Variants in H6PD observed in about 807,000 individuals in gnomAD.
The protein encoded by H6PD is GDH/6PGL endoplasmic bifunctional protein.
A neutral mutation model predicts 61.2 loss-of-function variants in H6PD; 48 were observed. The ratio of observed to expected loss-of-function variants is 0.78; its 90% CI spans 0.62 to 1.00. The LOEUF is 1.00. Among genes scored for constraint, H6PD ranks in the 50% least tolerant of loss-of-function variants. The pLI, the probability that H6PD is intolerant of heterozygous loss-of-function variation, is 0.00. For missense variants in H6PD, 1,093 were observed against 1,065.0 expected (o/e 1.03, Z -0.37); for synonymous variants, 480 against 457.9 (o/e 1.05, Z -0.62).
rs746333928 is a variant in H6PD at position 9,264,818 on chromosome 1, G to A, written c.2325G>A (p.Pro775=). The part of the protein sequence containing the change: ...PKKWPISGVL[P]HSGQLVWYMD... ...AGTGGCCCATCTCGGGTGTCCTGCC[G>A]CACTCCGGCCAGCTGGTGTGGTACA... The change falls in exon 5 of 5, where the codon CCG becomes CCA. Residue 775 remains proline, a synonymous_variant. Coordinates refer to ENST00000377403, the MANE Select transcript of H6PD (RefSeq NM_004285.4). The A allele has an allele frequency of 1.1e-5, 18 of 1,612,602 alleles. No homozygotes were observed. The highest frequency in any genetic ancestry group is 2.2e-5 in the East Asian group (1 of 44,892).
At chr1:9,262,367 A>G (rs1181326859) in intron 4 of H6PD, 39 bp downstream of exon 4, 4 of 1,557,948 alleles carry the variant, frequency 2.6e-6, no homozygotes, top group Non-Finnish European at 3.5e-6. Context: ...TGGGCTGCCC[A>G]CTTCGCCGGG....
chr1:9,261,630 T>C (rs1430481836), intron 3 of H6PD, among the ~76,000 whole-genome samples: 1 of 152,092 alleles, frequency 6.6e-6, no homozygotes, highest in Non-Finnish European at 1.5e-5. Flanking sequence ...TTACCCAAGA[T>C]CACATGCTAG....
At position 9,263,988 on chromosome 1, in the gene H6PD, C is replaced by T. The variant is rs747774211; in HGVS notation, c.1495C>T (p.Arg499Cys). Residue 499 changes from arginine to cysteine, a missense_variant, in exon 5 of 5, where the codon CGC (arginine) becomes TGC (cysteine). Arg to Cys is a radical substitution (Grantham distance 180). Transcript: ENST00000377403. ...GGAGAGCCTGGCCCATAAGGCCCCA[C>T]GCCTCTACCCTGGAGGAGCTGAGAA... ...LLESLAHKAP[R>C]LYPGGAENGR... 2.2e-5 allele frequency: 35 copies of T among 1,614,120 alleles called. No homozygotes were observed. Among genetic ancestry groups the T allele is most frequent in the Middle Eastern group, 1.6e-4 (1 of 6,084 alleles).
chr1:9,261,679 C>T (rs1179883157), intron 3 of H6PD, among the ~76,000 whole-genome samples: 13 of 152,250 alleles, frequency 8.5e-5, no homozygotes, highest in Non-Finnish European at 1.6e-4. Flanking sequence ...CAGCCCCCGC[C>T]ATGGTGCCAT....
At chr1:9,244,870 C>T in intron 1 of H6PD, 55 bp from the exon 2 acceptor site, 2 of 1,554,938 alleles carry the variant, frequency 1.3e-6, no homozygotes, top group Admixed American at 3.3e-5. Context: ...ATCGTAGCCA[C>T]CTGAACCATG....
chr1:9,240,920 A>C (rs1409721946), intron 1 of H6PD, among the ~76,000 whole-genome samples: 2 of 152,140 alleles, frequency 1.3e-5, no homozygotes, highest in African/African-American at 4.8e-5. Flanking sequence ...CCTCTGCTCC[A>C]GAGGCTGGGG....
chr1:9,257,270 G>A (rs972787743), intron 3 of H6PD, among the ~76,000 whole-genome samples: 3 of 151,530 alleles, frequency 2.0e-5, no homozygotes, highest in Non-Finnish European at 2.9e-5. Context: ...CTCCCAAATA[G>A]TTGGGACCAC....
Position 9,264,015 on chromosome 1 carries a change from G to A in H6PD, c.1522G>A (p.Gly508Ser), listed in dbSNP as rs555967440. 1.9e-5 allele frequency: 31 copies of A among 1,614,232 alleles called. 1 individual carries two copies. In the South Asian group the frequency reaches 3.2e-4, roughly 17 times the overall value. ...PRLYPGGAEN[G>S]RLLDFEFSSG... ...CCTCTACCCTGGAGGAGCTGAGAAT[G>A]GCCGTCTGTTGGACTTTGAGTTCAG... Residue 508 changes from glycine (G) to serine (S), a missense_variant, in exon 5 of 5, where the codon GGC (glycine) becomes AGC (serine). Physicochemically the swap from Gly to Ser is moderately conservative, Grantham distance 56 (BLOSUM62 0). Coordinates refer to ENST00000377403, the MANE Select transcript of H6PD (RefSeq NM_004285.4).
intron 1 of H6PD, among the ~76,000 whole-genome samples, chr1:9,242,360 C>T (rs1402215713): frequency 6.7e-6 from 1 of 150,172 alleles, no homozygotes; most frequent in African/African-American, 2.4e-5. Context: ...AAAAAAAATA[C>T]CCACACATAC....
Position 9,270,947 on chromosome 1 carries a change from C to CT in H6PD, c.*6090dup, listed in dbSNP as rs5772361. Reference sequence around the variant, plus strand: ...TGATGAGGCACATTCAGAACAAATGCTTTTTTTTTTTTGAGACAGAGTCTC... The same window carrying CT: ...TGATGAGGCACATTCAGAACAAATGCTTTTTTTTTTTTTGAGACAGAGTCTC... On this transcript the variant is annotated 3_prime_UTR_variant, in exon 5 of 5. Coordinates refer to ENST00000377403, the MANE Select transcript of H6PD (RefSeq NM_004285.4). 0.21 allele frequency: 29,714 copies of CT among 140,112 alleles called. 3,528 individuals are homozygous for CT. Among genetic ancestry groups the CT allele is most frequent in the Admixed American group, 0.27 (3,799 of 14,044 alleles). 8.7% of individuals were successfully genotyped at this position (140,112 alleles called of 1,614,324 possible). A position where few individuals can be genotyped will look rare whatever the true frequency, so the allele number is the denominator to read the frequency against.
intron 3 of H6PD, among the ~76,000 whole-genome samples, chr1:9,252,976 G>A (rs60659154): frequency 0.013 from 2,023 of 152,190 alleles, 66 homozygotes; most frequent in African/African-American, 0.046. Context: ...CTTTCAACCC[G>A]GGAAAATACA....
Position 9,264,513 on chromosome 1 carries a change from G to T in H6PD, c.2020G>T (p.Ala674Ser), listed in dbSNP as rs1384664557. 1 of 1,613,080 alleles carries T rather than the reference G, an allele frequency of 6.2e-7. No homozygotes were observed. ...AEEDQGAQIY[A>S]REISALVANS... ...GGAGGACCAGGGCGCCCAGATCTAT[G>T]CCAGGGAGATCTCAGCCCTGGTGGC... The change falls in exon 5 of 5, where the codon GCC becomes TCC. Residue 674 changes from alanine (A) to serine (S), a missense_variant. Ala to Ser is a moderately conservative substitution (Grantham distance 99). Coordinates refer to ENST00000377403, the MANE Select transcript of H6PD (RefSeq NM_004285.4).
At chr1:9,239,781 C>T in intron 1 of H6PD, 2 of 388,914 alleles carry the variant, frequency 5.1e-6, no homozygotes, top group Non-Finnish European at 9.1e-6. Flanking sequence ...TTACCTCCCG[C>T]TCCTCTCTCC....
intron 1 of H6PD, among the ~76,000 whole-genome samples, chr1:9,240,587 G>T (rs1287331867): frequency 6.6e-6 from 1 of 152,154 alleles, no homozygotes; most frequent in Non-Finnish European, 1.5e-5. Flanking sequence ...GCGCAGGCAA[G>T]AGCCACCACA....
In H6PD at chr1:9,263,998, C is replaced by T. The variant is rs770843048; in HGVS notation, c.1505C>T (p.Pro502Leu). Residue 502 changes from proline to leucine, a missense_variant, in exon 5 of 5, where the codon CCT (proline) becomes CTT (leucine). By Grantham distance (98) the Pro-to-Leu change is moderately conservative. Coordinates refer to ENST00000377403, the MANE Select transcript of H6PD (RefSeq NM_004285.4). ...GCCCATAAGGCCCCACGCCTCTACC[C>T]TGGAGGAGCTGAGAATGGCCGTCTG... ...SLAHKAPRLY[P>L]GGAENGRLLD... The T allele has an allele frequency of 1.2e-6, 2 of 1,614,230 alleles. No individual in the cohort carries two copies. The highest frequency in any genetic ancestry group is 1.1e-5 in the South Asian group (1 of 91,088).
In H6PD at chr1:9,264,099, C is replaced by A; in HGVS notation, c.1606C>A (p.Pro536Thr). 1 of 1,613,934 alleles carries A rather than the reference C, an allele frequency of 6.2e-7. No homozygotes were observed. ...GGAGCAGCTGGTGCCAGGGCCAGGG[C>A]CGGCCCCAATGCCCAGTGACTTCCA... The part of the protein sequence containing the change: ...QPEQLVPGPG[P>T]APMPSDFQVL... The change falls in exon 5 of 5, where the codon CCG (proline) becomes ACG (threonine). Residue 536 changes from proline (P) to threonine (T), a missense_variant. By Grantham distance (38) the Pro-to-Thr change is conservative. Transcript: ENST00000377403.
intron 1 of H6PD, among the ~76,000 whole-genome samples, chr1:9,241,699 C>T (rs899580726): frequency 6.6e-6 from 1 of 152,232 alleles, no homozygotes; most frequent in African/African-American, 2.4e-5. Context: ...TGTGCCTGGC[C>T]TAATTAGCTG....
chr1:9,238,060 G>T (rs1401438575), intron 1 of H6PD, among the ~76,000 whole-genome samples: 2 of 152,210 alleles, frequency 1.3e-5, no homozygotes, highest in African/African-American at 2.4e-5. Context: ...AGCAGGAGAG[G>T]AGGATGGGGG....
At chr1:9,236,218 T>C (rs1466627094) in intron 1 of H6PD, among the ~76,000 whole-genome samples, 1 of 152,208 alleles carries the variant, frequency 6.6e-6, no homozygotes, top group Non-Finnish European at 1.5e-5. Context: ...CTTGAACTGC[T>C]GACCTCAGGT....
Sources: gnomAD v4.1 joint callset for allele counts (sites outside exome capture counted in the v4.1 genomes callset) on GRCh38, gnomAD v4.1.1 for gene constraint, MANE v1.5 for transcripts, NCBI Gene and HGNC (gene_info 2026-07-23, HGNC 2026-07-21) for gene names.